Variants in SMYD3 observed in about 807,000 individuals in gnomAD.
SMYD3 encodes SET and MYND domain containing 3.
In SMYD3, 36 loss-of-function variants were observed where a neutral mutation model predicts 57.7. That is an observed-to-expected ratio of 0.62 (90% confidence interval 0.48 to 0.82). SMYD3 has a LOEUF of 0.82. SMYD3 is among the 40% of genes least tolerant of loss of function. The pLI is 0.00. For missense variants in SMYD3, 515 were observed against 538.8 expected (o/e 0.96, Z 0.44); for synonymous variants, 211 against 195.0 (o/e 1.08, Z -0.68).
chr1:245,940,524 C>T (rs12041513), intron 5 of SMYD3, among the ~76,000 whole-genome samples: 94,123 of 151,530 alleles, frequency 0.62, 34,851 homozygotes, highest in Non-Finnish European at 0.82. Flanking sequence ...ATGGACTCAG[C>T]AAACCACAGC....
chr1:246,259,068 T>C (rs10802373), intron 5 of SMYD3, among the ~76,000 whole-genome samples: 31,377 of 151,966 alleles, frequency 0.21, 3,885 homozygotes, highest in East Asian at 0.57. Flanking sequence ...CCAGAACTGG[T>C]TGATTTCTTT....
At chr1:245,912,919 G>A (rs2147761711) in intron 8 of SMYD3, among the ~76,000 whole-genome samples, 1 of 152,346 alleles carries the variant, frequency 6.6e-6, no homozygotes, top group Non-Finnish European at 1.5e-5. Context: ...TGGTGGGACT[G>A]TAAACTAGTT....
intron 8 of SMYD3, among the ~76,000 whole-genome samples, chr1:245,864,283 T>C (rs2051708242): frequency 6.6e-6 from 1 of 152,186 alleles, no homozygotes; most frequent in African/African-American, 2.4e-5. Flanking sequence ...TAAATGAACA[T>C]GTATGTTCAA....
At chr1:245,906,873 G>A (rs562665776) in intron 8 of SMYD3, among the ~76,000 whole-genome samples, 1 of 152,340 alleles carries the variant, frequency 6.6e-6, no homozygotes, top group African/African-American at 2.4e-5. Flanking sequence ...ATTCCATTAA[G>A]TGAAATACCA....
intron 5 of SMYD3, among the ~76,000 whole-genome samples, chr1:246,114,145 TAAG>T (rs1314470103): frequency 1.3e-5 from 2 of 152,134 alleles, no homozygotes; most frequent in Non-Finnish European, 2.9e-5. Context: ...GGGACAGTTT[TAAG>T]AATTTATAGA....
chr1:246,410,830 T>C (rs1278393583), intron 1 of SMYD3, among the ~76,000 whole-genome samples: 3 of 152,172 alleles, frequency 2.0e-5, no homozygotes, highest in Non-Finnish European at 4.4e-5. Context: ...AGCTATTAAT[T>C]ATTGCCTCAA....
intron 5 of SMYD3, among the ~76,000 whole-genome samples, chr1:246,075,898 T>A (rs1298128348): frequency 7.2e-6 from 1 of 138,072 alleles, no homozygotes; most frequent in Non-Finnish European, 1.5e-5. Context: ...TGTTTTATAA[T>A]CCTAGAGAAA....
At chr1:245,955,082 G>A (rs1003797094) in intron 5 of SMYD3, among the ~76,000 whole-genome samples, 3 of 152,076 alleles carry the variant, frequency 2.0e-5, no homozygotes, top group Non-Finnish European at 4.4e-5. Context: ...GTCAGGTTGT[G>A]GGCCCATGTG....
Position 245,899,864 on chromosome 1 carries a change from C to T in SMYD3, c.813+15666G>A, listed in dbSNP as rs369459947. On this transcript the variant is annotated intron_variant, in intron 8 of 11. Transcript: ENST00000490107. ...GCAAAAGAGAATTCCTCCTGGCTTA[C>T]TGCTTGAGTTGGACTGATCAGTTCT... Among the ~76,000 whole-genome samples, 7 of 152,198 alleles carry T rather than the reference C, an allele frequency of 4.6e-5. 1 individual carries two copies. Among genetic ancestry groups the T allele is most frequent in the East Asian group, 3.9e-4 (2 of 5,182 alleles).
intron 10 of SMYD3, among the ~76,000 whole-genome samples, chr1:245,846,947 G>A (rs1245490385): frequency 1.3e-5 from 2 of 152,176 alleles, no homozygotes; most frequent in African/African-American, 2.4e-5. Context: ...TGCAGGAAGA[G>A]CAATTTCCAT....
In SMYD3 at chr1:246,190,566, C is replaced by A. The variant is rs1040606861; in HGVS notation, c.531+136635G>T. Among the ~76,000 whole-genome samples the A allele has an allele frequency of 4.4e-4, 45 of 101,332 alleles. 1 individual carries two copies. The highest frequency in any genetic ancestry group is 1.8e-5 in the Non-Finnish European group (1 of 56,598). The allele number at this position is 101,332 out of a possible 152,430, so 66.5% of individuals were successfully genotyped here. ...TGCCATTGCACTCCAACCTAGGTGACAGAGTAAGACTCTGTCTCAAAAAAA... is the reference window on the plus strand; with the variant it reads ...TGCCATTGCACTCCAACCTAGGTGAAAGAGTAAGACTCTGTCTCAAAAAAA... On this transcript the variant is annotated intron_variant, in intron 5 of 11. Coordinates refer to ENST00000490107, the MANE Select transcript of SMYD3 (RefSeq NM_001167740.2).
intron 3 of SMYD3, among the ~76,000 whole-genome samples, chr1:246,331,256 C>T (rs12088096): frequency 0.041 from 6,234 of 152,276 alleles, 424 homozygotes; most frequent in African/African-American, 0.14. Context: ...ACAGAGTTTA[C>T]TGTTTTGCCA....
chr1:246,091,324 A>G (rs901613401), intron 5 of SMYD3, among the ~76,000 whole-genome samples: 5 of 152,126 alleles, frequency 3.3e-5, no homozygotes, highest in African/African-American at 1.2e-4. Context: ...GACTGACCCC[A>G]GCCTCCACCG....
intron 5 of SMYD3, among the ~76,000 whole-genome samples, chr1:246,107,100 C>CCATCCTAGCTAA (rs371948645): frequency 2.1e-5 from 3 of 139,960 alleles, no homozygotes; most frequent in Admixed American, 7.4e-5. Flanking sequence ...GAGATCGAGA[C>CCATCCTAGCTAA]CACGGTGAAA....
chr1:246,266,588 A>G (rs2064112405), intron 5 of SMYD3, among the ~76,000 whole-genome samples: 1 of 152,176 alleles, frequency 6.6e-6, no homozygotes, highest in Non-Finnish European at 1.5e-5. Flanking sequence ...GGAAAATACT[A>G]TAACACTGAA....
intron 10 of SMYD3, among the ~76,000 whole-genome samples, chr1:245,830,425 G>A (rs1001279912): frequency 4.6e-5 from 7 of 152,166 alleles, no homozygotes; most frequent in Admixed American, 3.9e-4. Flanking sequence ...AGAACAGTAT[G>A]GGGGAAACTG....
rs565382704 is a variant in SMYD3, at chr1:245,834,288, A to G, written c.1076+24208T>C. The stretch of plus-strand genomic sequence containing the variant: ...ACACCCCTGGGAAGGCTCTGCTTGC[A>G]CGTCTGTGAGCTATGCACGGATATA... On this transcript the variant is annotated intron_variant, in intron 10 of 11. Coordinates refer to ENST00000490107, the MANE Select transcript of SMYD3 (RefSeq NM_001167740.2). Among the ~76,000 whole-genome samples the G allele has an allele frequency of 1.3e-3, 195 of 152,312 alleles. 7 individuals are homozygous for G. In the South Asian group the frequency reaches 0.038, roughly 30 times the overall value.
intron 1 of SMYD3, among the ~76,000 whole-genome samples, chr1:246,373,074 A>G (rs2066216702): frequency 1.3e-5 from 2 of 152,220 alleles, no homozygotes; most frequent in Non-Finnish European, 2.9e-5. Context: ...TATCACATAT[A>G]CATTGTAAAA....
At chr1:246,124,479 G>A (rs2061475113) in intron 5 of SMYD3, among the ~76,000 whole-genome samples, 1 of 152,136 alleles carries the variant, frequency 6.6e-6, no homozygotes, top group Non-Finnish European at 1.5e-5. Flanking sequence ...ATCCAAAGAT[G>A]CTGTCCACAA....
Sources: allele counts gnomAD v4.1 joint callset (sites outside exome capture counted in the v4.1 genomes callset), GRCh38; gene constraint gnomAD v4.1.1; transcripts MANE v1.5; gene names NCBI Gene and HGNC (gene_info 2026-07-23, HGNC 2026-07-21).